Variants in ANK3 observed in about 807,000 individuals in gnomAD.
ANK3 encodes the protein ankyrin-3.
Under a neutral mutation model 370.9 loss-of-function variants are expected in ANK3, and 57 were observed. The observed-to-expected ratio is 0.15, with a 90% CI of 0.12 to 0.19. The LOEUF (loss-of-function observed/expected upper bound fraction) is 0.19, where lower values mean the gene tolerates loss of function less well. Among genes scored for constraint, ANK3 ranks in the 10% least tolerant of loss-of-function variants. The pLI is 1.00. For synonymous variants in ANK3, 1,929 were observed against 1,946.3 expected, an observed-to-expected ratio of 0.99 and a Z score of 0.23; for missense variants, 4,439 against 5,302.1, an observed-to-expected ratio of 0.84 and a Z score of 5.06.
At chr10:60,445,780 G>C (rs1188061191) in intron 2 of ANK3, among the ~76,000 whole-genome samples, 3 of 152,160 alleles carry the variant, frequency 2.0e-5, no homozygotes, top group African/African-American at 7.2e-5. Context: ...GAAATTTTAA[G>C]GGGCTGCTGC....
intron 2 of ANK3, among the ~76,000 whole-genome samples, chr10:60,479,260 T>C (rs1411959371): frequency 6.6e-6 from 1 of 152,136 alleles, no homozygotes; most frequent in Non-Finnish European, 1.5e-5. Flanking sequence ...AAAACCACAT[T>C]TTTATACTGC....
At position 60,139,049 on chromosome 10, in the gene ANK3, C is replaced by T; in HGVS notation, c.2653G>A (p.Gly885Arg). 2 of 1,613,710 alleles carry T rather than the reference C, an allele frequency of 1.2e-6. No homozygotes were observed. The highest frequency in any genetic ancestry group is 1.7e-6 in the Non-Finnish European group (2 of 1,179,816). ...AMTGDTDKYL[G>R]PQDLKELGDD... ...CCCAATTCCTTAAGGTCCTGTGGCC[C>T]AAGATATTTGTCTGTGTCCCCGGTC... Residue 885 changes from glycine to arginine, a missense_variant, in exon 24 of 44, where the codon GGG (glycine) becomes AGG (arginine). By Grantham distance (125) the Gly-to-Arg change is moderately radical. Coordinates refer to ENST00000280772, the MANE Select transcript of ANK3 (RefSeq NM_020987.5).
At chr10:60,391,018 T>C (rs1433955212), upstream of ANK3, among the ~76,000 whole-genome samples, 5 of 152,318 alleles carry the variant, frequency 3.3e-5, no homozygotes, top group African/African-American at 1.2e-4. Context: ...TGTGAGTTCC[T>C]GCAAACAACT....
chr10:60,226,604 A>C (rs1360891275), intron 8 of ANK3, among the ~76,000 whole-genome samples: 1 of 111,550 alleles, frequency 9.0e-6, no homozygotes, highest in Non-Finnish European at 1.8e-5. Context: ...TACTATATAT[A>C]ATCAAAAGCA....
intron 2 of ANK3, among the ~76,000 whole-genome samples, chr10:60,451,790 T>G (rs2064610738): frequency 6.6e-6 from 1 of 152,298 alleles, no homozygotes; most frequent in East Asian, 1.9e-4. Context: ...TCTGTGGGTG[T>G]GTGTGGAGCT....
intron 38 of ANK3, among the ~76,000 whole-genome samples, chr10:60,066,610 C>T (rs1317386189): frequency 6.7e-6 from 1 of 150,032 alleles, no homozygotes; most frequent in Non-Finnish European, 1.5e-5. Flanking sequence ...TGGGGGTGGA[C>T]GGGGACTGAG....
rs16914613 is a variant in ANK3 at position 60,198,361 on chromosome 10, C to T, written c.1668G>A (p.Ala556=). The T allele has an allele frequency of 2.8e-3, 4,495 of 1,614,166 alleles. 74 individuals are homozygous for T. The East Asian group carries it at 0.052, about 19-fold the overall frequency. The change falls in exon 14 of 44, where the codon GCG becomes GCA. Residue 556 remains alanine, a synonymous_variant. Transcript: ENST00000280772. ...ATACCTTTGTTGTTATAGATAAAGA[C>T]GCTCCATGATCCAAAAGGAACGCGG... ...DVAAFLLDHG[A]SLSITTKKGF...
At chr10:60,523,275 A>T (rs537852654) in intron 2 of ANK3, among the ~76,000 whole-genome samples, 8 of 151,956 alleles carry the variant, frequency 5.3e-5, no homozygotes, top group African/African-American at 1.9e-4. Flanking sequence ...GTTTTAGGGT[A>T]CATGTGCACA....
intron 23 of ANK3, among the ~76,000 whole-genome samples, chr10:60,151,291 G>A (rs2095101774): frequency 6.6e-6 from 1 of 152,114 alleles, no homozygotes; most frequent in Admixed American, 6.5e-5. Context: ...GGGGCCTAGT[G>A]GGAGGTGTTT....
chr10:60,682,759 G>T (rs1287248645), intron 1 of ANK3, among the ~76,000 whole-genome samples: 2 of 152,176 alleles, frequency 1.3e-5, no homozygotes, highest in African/African-American at 4.8e-5. Flanking sequence ...TGTGCCAGGG[G>T]AGGGCTTGGA....
chr10:60,348,462 G>C (rs748613471), intron 1 of ANK3, among the ~76,000 whole-genome samples: 39 of 151,438 alleles, frequency 2.6e-4, no homozygotes, highest in Middle Eastern at 3.5e-3. Flanking sequence ...AGTGACTAAA[G>C]ACACAGACTT....
At chr10:60,310,085 C>G (rs1279549253) in intron 1 of ANK3, among the ~76,000 whole-genome samples, 1 of 151,698 alleles carries the variant, frequency 6.6e-6, no homozygotes, top group Non-Finnish European at 1.5e-5. Context: ...GCCACTATAC[C>G]CAGCTAATTT....
intron 1 of ANK3, among the ~76,000 whole-genome samples, chr10:60,704,720 G>C (rs1189401686): frequency 1.3e-5 from 2 of 152,150 alleles, no homozygotes; most frequent in Non-Finnish European, 2.9e-5. Flanking sequence ...GTTCTACTCA[G>C]ATTTCAAATT....
At position 60,069,690 on chromosome 10, in the gene ANK3, T is replaced by C. The variant is rs746376879; in HGVS notation, c.11191A>G (p.Met3731Val). The C allele has an allele frequency of 8.7e-6, 14 of 1,614,042 alleles. No homozygotes were observed. The highest frequency in any genetic ancestry group is 1.7e-5 in the Admixed American group (1 of 59,982). ...CCAGGGCCTTCTTTCTTCATGGTCA[T>C]GGTGGATGCAGAAATTCCCATTTTT... ...PIKMGISAST[M>V]TMKKEGPGEI... The change falls in exon 37 of 44, where the codon ATG becomes GTG. Residue 3731 changes from methionine (M) to valine (V), a missense_variant. Around this residue, in one of 13 missense-constraint regions of ANK3, gnomAD observed 496 missense variants for 529.3 expected, o/e 0.94. Coordinates refer to ENST00000280772, the MANE Select transcript of ANK3 (RefSeq NM_020987.5).
intron 2 of ANK3, among the ~76,000 whole-genome samples, chr10:60,516,276 A>C (rs2076217326): frequency 6.6e-6 from 1 of 152,158 alleles, no homozygotes; most frequent in Non-Finnish European, 1.5e-5. Flanking sequence ...AGGTATCAAG[A>C]ACCTTGGCTG....
intron 1 of ANK3, among the ~76,000 whole-genome samples, chr10:60,624,345 G>A (rs1835239728): frequency 6.6e-6 from 1 of 152,088 alleles, no homozygotes; most frequent in Admixed American, 6.6e-5. Context: ...CCAAGGCTTG[G>A]GTGTGCTTCC....
At chr10:60,418,295 T>G (rs2063710304) in intron 2 of ANK3, among the ~76,000 whole-genome samples, 1 of 152,166 alleles carries the variant, frequency 6.6e-6, no homozygotes, top group Non-Finnish European at 1.5e-5. Flanking sequence ...TGACTCACTG[T>G]TCCCATTGCT....
At chr10:60,348,765 T>A (rs1165214141) in intron 1 of ANK3, among the ~76,000 whole-genome samples, 1 of 152,178 alleles carries the variant, frequency 6.6e-6, no homozygotes, top group African/African-American at 2.4e-5. Context: ...TGTGATTTCA[T>A]AAGCCACACA....
In ANK3 at chr10:60,069,478, G is replaced by A; in HGVS notation, c.11403C>T (p.Asn3801=). ...CTGTCAGAACTATATTACTCATAAT[G>A]TTATCTGTCTGTATAGTGGAAGAAT... ...NLDSSTIQTD[N]IMSNIVLTEH... Residue 3801 remains asparagine, a synonymous_variant, in exon 37 of 44, where the codon AAC becomes AAT. Transcript: ENST00000280772. 1.9e-6 allele frequency: 3 copies of A among 1,613,872 alleles called. No homozygotes were observed. The highest frequency in any genetic ancestry group is 1.3e-5 in the African/African-American group (1 of 75,028).
Sources: gnomAD v4.1 joint callset for allele counts (sites outside exome capture counted in the v4.1 genomes callset) on GRCh38, gnomAD v4.1.1 for gene constraint, gnomAD v4.1.1 regional missense constraint, MANE v1.5 for transcripts, NCBI Gene and HGNC (gene_info 2026-07-23, HGNC 2026-07-21) for gene names.